NCF2: variants seen among roughly 807,000 people sequenced by gnomAD.
The protein encoded by NCF2 is neutrophil cytosol factor 2.
In NCF2, 45 loss-of-function variants were observed where a neutral mutation model predicts 70.9. The observed-to-expected ratio is 0.63, with a 90% CI of 0.50 to 0.81. The LOEUF is 0.81. Among genes scored for constraint, NCF2 ranks in the 40% least tolerant of loss-of-function variants. The pLI, the probability that NCF2 is intolerant of heterozygous loss-of-function variation, is 0.00. For synonymous variants in NCF2, 203 were observed against 233.6 expected (o/e 0.87, Z 1.19); for missense variants, 522 against 631.6 (o/e 0.83, Z 1.86).
At chr1:183,599,445 T>TCTTTC in the NCF2 span, among the ~76,000 whole-genome samples, 117 of 107,390 alleles carry the variant, frequency 1.1e-3, no homozygotes, top group Middle Eastern at 4.3e-3. Flanking sequence ...TTTCTTTCTT[T>TCTTTC]CTTTCTTTCT....
the NCF2 span, among the ~76,000 whole-genome samples, chr1:183,601,205 A>G: frequency 6.6e-6 from 1 of 152,184 alleles, no homozygotes. Context: ...TTCTACGCAC[A>G]TATCATTAGA....
the NCF2 span, among the ~76,000 whole-genome samples, chr1:183,600,162 A>G: frequency 6.6e-6 from 1 of 152,254 alleles, no homozygotes; most frequent in Non-Finnish European, 1.5e-5. Context: ...AGACAAATGT[A>G]AAGATCGGCT....
chr1:183,593,152 T>G (rs984395090), upstream of NCF2, among the ~76,000 whole-genome samples: 1 of 152,202 alleles, frequency 6.6e-6, no homozygotes, highest in Non-Finnish European at 1.5e-5. Flanking sequence ...TCAAATAGTG[T>G]GCCTCAGGAG....
In NCF2 at chr1:183,555,887, C is replaced by A; in HGVS notation, c.*231G>T. 1 of 585,194 alleles carries A rather than the reference C, an allele frequency of 1.7e-6. No individual in the cohort carries two copies. The highest frequency in any genetic ancestry group is 3.1e-6 in the Non-Finnish European group (1 of 327,772). The allele number at this position is 585,194 out of a possible 1,614,324, so 36.3% of individuals were successfully genotyped here. A position where few individuals can be genotyped will look rare whatever the true frequency, so the allele number is the denominator to read the frequency against. The stretch of plus-strand genomic sequence containing the variant: ...TTTCCAGACACTTCCATCCACTTTT[C>A]CTCTCCCCTAACTCCTCCATTCACC... On this transcript the variant is annotated 3_prime_UTR_variant, in exon 15 of 15. Transcript: ENST00000367535.
At position 183,561,779 on chromosome 1, in the gene NCF2, C is replaced by CTTT. The variant is rs57218247; in HGVS notation, c.1290+1413_1290+1415dup. Among the ~76,000 whole-genome samples, 10 of 65,162 alleles carry CTTT rather than the reference C, an allele frequency of 1.5e-4. 2 individuals carry two copies. The highest frequency in any genetic ancestry group is 5.8e-4 in the African/African-American group (8 of 13,680). 42.7% of individuals were successfully genotyped at this position (65,162 alleles called of 152,430 possible). On this transcript the variant is annotated intron_variant, in intron 13 of 14. Coordinates refer to ENST00000367535, the MANE Select transcript of NCF2 (RefSeq NM_000433.4). ...TTCAGGCATAAACCATACCAGGCCT[C>CTTT]TTTTTTTTTTTTTTTTTTTTTTTTT...
upstream of NCF2, chr1:183,590,515 T>TC (rs1299484256): frequency 1.6e-5 from 11 of 697,544 alleles, no homozygotes; most frequent in African/African-American, 1.8e-4. Context: ...TCAGGAAATG[T>TC]CCCCACCTTT....
chr1:183,573,068 T>C, intron 5 of NCF2, 117 bp downstream of exon 5: 1 of 918,132 alleles, frequency 1.1e-6, no homozygotes, highest in East Asian at 2.4e-5. Flanking sequence ...AGTCTCTCAT[T>C]GCCATCCCAG....
intron 2 of NCF2, among the ~76,000 whole-genome samples, chr1:183,579,424 T>G (rs1392345140): frequency 6.6e-6 from 1 of 152,024 alleles, no homozygotes. Flanking sequence ...TTTCCCCATC[T>G]TTAGAATAAG....
intron 2 of NCF2, among the ~76,000 whole-genome samples, chr1:183,582,671 C>T (rs569675289): frequency 6.6e-6 from 1 of 152,302 alleles, no homozygotes; most frequent in East Asian, 1.9e-4. Context: ...GGTTTGGGCC[C>T]ACTCCCTTTC....
At position 183,577,660 on chromosome 1, in the gene NCF2, C is replaced by G. The variant is rs137854515; in HGVS notation, c.305G>C (p.Arg102Pro). Residue 102 changes from arginine (R) to proline (P), a missense_variant, in exon 3 of 15, where the codon CGA (arginine) becomes CCA (proline). Physicochemically the swap from Arg to Pro is moderately radical, Grantham distance 103. Transcript: ENST00000367535. ...CTTATAGTCTATCAGCTGGTTCCCT[C>G]GAAGCTGAATCAAGGCTTCTTTAAG... ...KDLKEALIQL[R>P]GNQLIDYKIL... 6.2e-7 allele frequency: 1 copy of G among 1,614,070 alleles called. No individual in the cohort carries two copies. Among genetic ancestry groups the G allele is most frequent in the Non-Finnish European group, 8.5e-7 (1 of 1,179,960 alleles).
At chr1:183,599,402 T>TTTTCTTTCTTTC in the NCF2 span, among the ~76,000 whole-genome samples, 5 of 123,372 alleles carry the variant, frequency 4.1e-5, no homozygotes, top group South Asian at 2.7e-4. Context: ...CCAAACCTCT[T>TTTTCTTTCTTTC]TTTCTTTCTT....
At chr1:183,589,008 A>G (rs1441890873) in intron 1 of NCF2, among the ~76,000 whole-genome samples, 1 of 152,196 alleles carries the variant, frequency 6.6e-6, no homozygotes, top group African/African-American at 2.4e-5. Context: ...GCCCCTCAGC[A>G]GGCCCCTGAG....
intron 14 of NCF2, 48 bp downstream of exon 14, chr1:183,560,030 CTCTGCCCTTGACCTTGTT>C: frequency 6.6e-7 from 1 of 1,515,214 alleles, no homozygotes; most frequent in African/African-American, 1.4e-5. Context: ...ATTTTCTTCT[CTCTGCCCTTGACCTTGTT>C]TCTGCTAACA....
At chr1:183,586,568 A>G (rs1330841658) in intron 2 of NCF2, among the ~76,000 whole-genome samples, 1 of 152,182 alleles carries the variant, frequency 6.6e-6, no homozygotes, top group Non-Finnish European at 1.5e-5. Flanking sequence ...GTGACAGCTC[A>G]GTACCTCATA....
At chr1:183,557,775 T>C (rs1355494278) in intron 14 of NCF2, among the ~76,000 whole-genome samples, 2 of 152,196 alleles carry the variant, frequency 1.3e-5, no homozygotes, top group Admixed American at 1.3e-4. Flanking sequence ...GTTGGTTGAT[T>C]TAGGCACCTT....
intron 14 of NCF2, among the ~76,000 whole-genome samples, chr1:183,556,476 A>AGAT (rs373201877): frequency 1.1e-4 from 17 of 152,280 alleles, no homozygotes; most frequent in African/African-American, 2.4e-4. Context: ...AAAAGTTACC[A>AGAT]GATAGAGAAG....
At position 183,555,968 on chromosome 1, in the gene NCF2, A is replaced by G; in HGVS notation, c.*150T>C. 1 of 726,842 alleles carries G rather than the reference A, an allele frequency of 1.4e-6. No individual in the cohort carries two copies. The highest frequency in any genetic ancestry group is 2.4e-6 in the Non-Finnish European group (1 of 412,384). The allele number at this position is 726,842 out of a possible 1,614,324, so 45.0% of individuals were successfully genotyped here. A position where few individuals can be genotyped will look rare whatever the true frequency, so the allele number is the denominator to read the frequency against. ...GGAAATCATCCTGGGTACTCACATCATTGTCTAGTAGGTTAAATTTTAACA... is the reference window on the plus strand; with the variant it reads ...GGAAATCATCCTGGGTACTCACATCGTTGTCTAGTAGGTTAAATTTTAACA... On this transcript the variant is annotated 3_prime_UTR_variant, in exon 15 of 15. Coordinates refer to ENST00000367535, the MANE Select transcript of NCF2 (RefSeq NM_000433.4).
At chr1:183,590,034 G>C (rs1360415728) in intron 1 of NCF2, 122 bp downstream of exon 1, 7 of 1,455,634 alleles carry the variant, frequency 4.8e-6, no homozygotes, top group Admixed American at 1.7e-5. Flanking sequence ...TCTAGGGGTG[G>C]AGCTTGGGCA....
rs180890007 is a variant in NCF2, at chr1:183,581,174, C to T, written c.258-3467G>A. 8.8e-4 allele frequency among the ~76,000 whole-genome samples: 132 copies of T among 149,730 alleles called. 2 individuals are homozygous for T. The East Asian group carries it at 0.019, about 21-fold the overall frequency. ...GTACGTGCCTGTAGTCCCAGCTACC[C>T]GGGAAGCTGAGGTTGGAGAATCACC... On this transcript the variant is annotated intron_variant, in intron 2 of 14. Transcript: ENST00000367535.
Sources: gnomAD v4.1 joint callset for allele counts (sites outside exome capture counted in the v4.1 genomes callset) on GRCh38, gnomAD v4.1.1 for gene constraint, MANE v1.5 for transcripts, NCBI Gene and HGNC (gene_info 2026-07-23, HGNC 2026-07-21) for gene names.